Variants in FARP2 observed in about 807,000 individuals in gnomAD.
FARP2 encodes the protein FERM, ARHGEF and pleckstrin domain-containing protein 2.
Under a neutral mutation model 130.5 loss-of-function variants are expected in FARP2, and 111 were observed. The observed-to-expected ratio is 0.85, with a 90% CI of 0.73 to 1.00. The LOEUF is 1.00. Among genes scored for constraint, FARP2 ranks in the 50% least tolerant of loss-of-function variants. The probability of loss-of-function intolerance (pLI) is 0.00; values close to 1 mark genes in which losing one functional copy is unlikely to be tolerated. For synonymous variants in FARP2, 504 were observed against 516.9 expected (o/e 0.98, Z 0.34); for missense variants, 1,385 against 1,346.3 (o/e 1.03, Z -0.45).
intron 8 of FARP2, among the ~76,000 whole-genome samples, chr2:241,423,234 AG>A (rs747596746): frequency 6.6e-6 from 1 of 152,234 alleles, no homozygotes; most frequent in South Asian, 2.1e-4. Flanking sequence ...TCATCTACAA[AG>A]GGAATCCCTT....
At chr2:241,456,629 AGC>A in intron 13 of FARP2, 116 bp from the exon 14 acceptor site, 1 of 875,002 alleles carries the variant, frequency 1.1e-6, no homozygotes, top group Non-Finnish European at 1.8e-6. Context: ...TTTTACAGGA[AGC>A]GCCTGGCACT....
intron 18 of FARP2, among the ~76,000 whole-genome samples, chr2:241,468,906 T>A (rs2064240934): frequency 6.6e-6 from 1 of 152,246 alleles, no homozygotes; most frequent in African/African-American, 2.4e-5. Flanking sequence ...AACTCTGACC[T>A]TTTTAACCTA....
chr2:241,458,117 T>C (rs2063912818), intron 14 of FARP2, among the ~76,000 whole-genome samples: 1 of 152,178 alleles, frequency 6.6e-6, no homozygotes, highest in African/African-American at 2.4e-5. Context: ...TCCACTCTCC[T>C]AGCCCAGGGG....
chr2:241,457,551 CGCTTTGGGTTCCGG>C (rs2063889881), intron 14 of FARP2, among the ~76,000 whole-genome samples: 1 of 97,584 alleles, frequency 1.0e-5, no homozygotes, highest in African/African-American at 4.1e-5. Flanking sequence ...CACTAGGGAC[CGCTTTGGGTTCCGG>C]AGAGGCTCTT....
chr2:241,379,055 T>G (rs906275633), intron 2 of FARP2, among the ~76,000 whole-genome samples: 5 of 152,230 alleles, frequency 3.3e-5, no homozygotes, highest in African/African-American at 1.2e-4. Context: ...GTAGAAATAC[T>G]TTCAGCTCCA....
At chr2:241,402,846 A>C (rs1390842859) in intron 2 of FARP2, among the ~76,000 whole-genome samples, 2 of 4,798 alleles carry the variant, frequency 4.2e-4, no homozygotes, top group African/African-American at 1.4e-3. Flanking sequence ...TTATATATAT[A>C]TATATATATA....
At chr2:241,406,301 C>T (rs1198986007) in intron 4 of FARP2, among the ~76,000 whole-genome samples, 1 of 151,892 alleles carries the variant, frequency 6.6e-6, no homozygotes, top group Admixed American at 6.6e-5. Flanking sequence ...GAGAGAGACT[C>T]TGTCTCAAAA....
In FARP2 at chr2:241,441,537, C is replaced by T. The variant is rs751981551; in HGVS notation, c.1392C>T (p.Pro464=). Residue 464 remains proline, a synonymous_variant, in exon 13 of 27, where the codon CCC becomes CCT. Coordinates refer to ENST00000264042, the MANE Select transcript of FARP2 (RefSeq NM_014808.4). ...DTPSAQPLGP[P]ALQPGPGLST... is the part of the protein sequence containing the mutation. The stretch of plus-strand genomic sequence containing the variant: ...CATCGGCCCAGCCCCTCGGGCCCCC[C>T]GCACTCCAGCCTGGTCCAGGTGTCG... 1.9e-5 allele frequency: 31 copies of T among 1,613,948 alleles called. No individual in the cohort carries two copies. Among genetic ancestry groups the T allele is most frequent in the Non-Finnish European group, 2.5e-5 (30 of 1,180,042 alleles).
At chr2:241,456,724 T>C in intron 13 of FARP2, 23 bp from the exon 14 acceptor site, 1 of 1,612,154 alleles carries the variant, frequency 6.2e-7, no homozygotes, top group Non-Finnish European at 8.5e-7. Flanking sequence ...TCTCGCTCCA[T>C]CCCCCTCCCC....
At chr2:241,397,039 A>C (rs2062046970) in intron 2 of FARP2, among the ~76,000 whole-genome samples, 1 of 152,226 alleles carries the variant, frequency 6.6e-6, no homozygotes. Flanking sequence ...TTGTAGGGAC[A>C]TGGGTGAAAT....
chr2:241,458,128 A>T (rs1029088307), intron 14 of FARP2, among the ~76,000 whole-genome samples: 19 of 152,048 alleles, frequency 1.2e-4, no homozygotes, highest in Non-Finnish European at 1.6e-4. Flanking sequence ...AGCCCAGGGG[A>T]GTCTGCCTAC....
intron 2 of FARP2, among the ~76,000 whole-genome samples, chr2:241,391,410 TG>T (rs2061901194): frequency 6.6e-6 from 1 of 152,172 alleles, no homozygotes; most frequent in South Asian, 2.1e-4. Flanking sequence ...GATGTGCCCT[TG>T]CCCAGGTGGA....
At chr2:241,467,443 C>T (rs1474509833) in intron 17 of FARP2, among the ~76,000 whole-genome samples, 7 of 151,830 alleles carry the variant, frequency 4.6e-5, no homozygotes, top group Non-Finnish European at 8.8e-5. Flanking sequence ...CTCAGGAGTT[C>T]GAGACCAGCC....
intron 17 of FARP2, among the ~76,000 whole-genome samples, chr2:241,467,035 G>C (rs573216583): frequency 4.6e-5 from 7 of 151,674 alleles, no homozygotes; most frequent in African/African-American, 1.7e-4. Flanking sequence ...CAGGTGGATC[G>C]CTTGAGTCCA....
At position 241,463,326 on chromosome 2, in the gene FARP2, T is replaced by A; in HGVS notation, c.1678-9T>A. On this transcript the variant is annotated splice_polypyrimidine_tract_variant and intron_variant, in intron 15 of 26. Transcript: ENST00000264042. ...CCACACCTCCCATCACACCACACTC[T>A]TCCCACAGTGGTTCCGCAGCGCAGT... 1 of 1,613,398 alleles carries A rather than the reference T, an allele frequency of 6.2e-7. No homozygotes were observed. The highest frequency in any genetic ancestry group is 1.7e-4 in the Middle Eastern group (1 of 6,054).
At chr2:241,367,431 A>T (rs1559703337) in intron 1 of FARP2, among the ~76,000 whole-genome samples, 1 of 152,142 alleles carries the variant, frequency 6.6e-6, no homozygotes, top group Non-Finnish European at 1.5e-5. Context: ...AAAGTTACTA[A>T]TGCTTAGAAA....
chr2:241,427,798 C>G (rs1302915518), intron 8 of FARP2, among the ~76,000 whole-genome samples: 1 of 151,886 alleles, frequency 6.6e-6, no homozygotes, highest in African/African-American at 2.4e-5. Flanking sequence ...TGGAGTCTCA[C>G]TCTGTCGCCC....
rs749207353 is a variant in FARP2, at chr2:241,493,018, C to T, written c.2877C>T (p.Phe959=). The part of the protein sequence containing the change: ...LWVVFTNFCL[F]FYKTHQDDYP... ...TCGTCTTTACCAACTTCTGTTTGTT[C>T]TTCTACAAAACTCATCAGGTACTGG... The change falls in exon 25 of 27, where the codon TTC becomes TTT. Residue 959 remains phenylalanine (F), a synonymous_variant. Transcript: ENST00000264042. The T allele has an allele frequency of 2.9e-5, 47 of 1,600,744 alleles. No homozygotes were observed. In the Admixed American group the frequency reaches 7.7e-4, roughly 26 times the overall value.
chr2:241,383,039 A>C (rs558069093), intron 2 of FARP2, among the ~76,000 whole-genome samples: 1 of 152,356 alleles, frequency 6.6e-6, no homozygotes, highest in South Asian at 2.1e-4. Flanking sequence ...CTTATGGTGA[A>C]GGAAAGGATA....
Sources: allele counts gnomAD v4.1 joint callset (sites outside exome capture counted in the v4.1 genomes callset), GRCh38; gene constraint gnomAD v4.1.1; transcripts MANE v1.5; gene names NCBI Gene and HGNC (gene_info 2026-07-23, HGNC 2026-07-21).